NKAIN1: variants seen among roughly 807,000 people sequenced by gnomAD.
NKAIN1 encodes the protein sodium/potassium transporting ATPase interacting 1.
NKAIN1 carries 13 observed loss-of-function variants against 31.6 expected under a neutral mutation model. The observed-to-expected ratio is 0.41, with a 90% CI of 0.27 to 0.65. The LOEUF (loss-of-function observed/expected upper bound fraction) is 0.65. NKAIN1 is among the 30% of genes least tolerant of loss of function. The probability of loss-of-function intolerance (pLI) is 0.30; values close to 1 mark genes in which losing one functional copy is unlikely to be tolerated. For missense variants in NKAIN1, 193 were observed against 262.2 expected, an observed-to-expected ratio of 0.74 and a Z score of 1.82; for synonymous variants, 104 against 109.0, an observed-to-expected ratio of 0.95 and a Z score of 0.28.
chr1:31,232,424 T>TATATATAGAGAGAGAG (rs1313157898), intron 1 of NKAIN1, among the ~76,000 whole-genome samples: 4 of 16,924 alleles, frequency 2.4e-4, no homozygotes, highest in African/African-American at 3.4e-4. Flanking sequence ...TATATATATA[T>TATATATAGAGAGAGAG]AGAGAGAGAG....
In NKAIN1 at chr1:31,233,240, G is replaced by A. The variant is rs1236002712; in HGVS notation, c.54+6254C>T. Among the ~76,000 whole-genome samples the A allele has an allele frequency of 1.3e-5, 2 of 152,132 alleles. No homozygotes were observed. Among genetic ancestry groups the A allele is most frequent in the South Asian group, 2.1e-4 (1 of 4,828 alleles). On this transcript the variant is annotated intron_variant, in intron 1 of 6. Coordinates refer to ENST00000373736, the MANE Select transcript of NKAIN1 (RefSeq NM_024522.3). This position sits in a 1 kb window ranked among gnomAD's most constrained non-coding sequence, Gnocchi z 4.0. ...GCTGGGATTACAGGTGTGAGCTACC[G>A]CACCCAGCCGTGCATCACAGCTCTT...
At chr1:31,234,124 T>G (rs912550759) in intron 1 of NKAIN1, among the ~76,000 whole-genome samples, 1 of 152,224 alleles carries the variant, frequency 6.6e-6, no homozygotes, top group Non-Finnish European at 1.5e-5. Flanking sequence ...GCAGTTTGGC[T>G]TCAGTCTGTT....
chr1:31,184,621 C>T (rs115128357), intron 3 of NKAIN1, among the ~76,000 whole-genome samples: 113 of 152,164 alleles, frequency 7.4e-4, no homozygotes, highest in African/African-American at 2.7e-3. Context: ...AGCCACTTGC[C>T]CAGGGTAATA....
At chr1:31,222,939 A>C (rs909989094) in intron 1 of NKAIN1, among the ~76,000 whole-genome samples, 1 of 152,180 alleles carries the variant, frequency 6.6e-6, no homozygotes, top group African/African-American at 2.4e-5. Context: ...GAGGAAATGC[A>C]TCTGAAGTGA....
intron 1 of NKAIN1, among the ~76,000 whole-genome samples, chr1:31,228,373 C>T (rs1400420129): frequency 2.0e-5 from 3 of 152,256 alleles, no homozygotes; most frequent in East Asian, 3.9e-4. Flanking sequence ...TTCCATTTCC[C>T]CTACTGCCTG....
At chr1:31,231,554 G>T (rs560209471) in intron 1 of NKAIN1, among the ~76,000 whole-genome samples, 2 of 151,878 alleles carry the variant, frequency 1.3e-5, no homozygotes, top group Non-Finnish European at 2.9e-5. Flanking sequence ...TTTTTGAGAC[G>T]GAGTCTCGCT....
chr1:31,218,036 C>CTTTT (rs34251716), intron 1 of NKAIN1, among the ~76,000 whole-genome samples: 1 of 126,784 alleles, frequency 7.9e-6, no homozygotes, highest in African/African-American at 3.1e-5. Flanking sequence ...TTCTTTCTTT[C>CTTTT]TTTCTTTCTT....
At chr1:31,238,061 A>T (rs566614261) in intron 1 of NKAIN1, among the ~76,000 whole-genome samples, 1 of 152,224 alleles carries the variant, frequency 6.6e-6, no homozygotes, top group Admixed American at 6.5e-5. Context: ...ATCCTCAGGG[A>T]TAATCATTTT....
chr1:31,227,818 T>C (rs1214232775), intron 1 of NKAIN1, among the ~76,000 whole-genome samples: 1 of 152,148 alleles, frequency 6.6e-6, no homozygotes, highest in Non-Finnish European at 1.5e-5. Context: ...TTGAGGACTC[T>C]AGGGGTGAGA....
At chr1:31,218,394 C>T (rs1009239944) in intron 1 of NKAIN1, among the ~76,000 whole-genome samples, 1 of 152,114 alleles carries the variant, frequency 6.6e-6, no homozygotes, top group African/African-American at 2.4e-5. Flanking sequence ...TAACTAAGTG[C>T]CAGGTGCTGC....
chr1:31,222,509 T>A, intron 1 of NKAIN1, among the ~76,000 whole-genome samples: 1 of 152,190 alleles, frequency 6.6e-6, no homozygotes, highest in East Asian at 1.9e-4. Flanking sequence ...TATGGACCCA[T>A]CTGGGGGTGG....
rs1645676407 is a variant in NKAIN1 at position 31,234,000 on chromosome 1, A to T, written c.54+5494T>A. On this transcript the variant is annotated intron_variant, in intron 1 of 6. Transcript: ENST00000373736. The surrounding 1 kb of genome is among the most constrained non-coding windows in gnomAD (Gnocchi z 4.0). ...GCCATTTATGGGCTGCTTATTTAAA[A>T]ACCATCCACTCACCTACCCTTATAA... 6.6e-6 allele frequency among the ~76,000 whole-genome samples: 1 copy of T among 152,182 alleles called. No individual in the cohort carries two copies.
chr1:31,210,890 T>C (rs1177018111), intron 1 of NKAIN1, among the ~76,000 whole-genome samples: 3 of 152,338 alleles, frequency 2.0e-5, no homozygotes, highest in Non-Finnish European at 4.4e-5. Flanking sequence ...AAATATTTAT[T>C]GGATGTCAAT....
intron 1 of NKAIN1, among the ~76,000 whole-genome samples, chr1:31,223,359 G>A (rs1009278971): frequency 8.2e-6 from 1 of 122,564 alleles, no homozygotes; most frequent in African/African-American, 3.2e-5. Flanking sequence ...CTGGGAGACA[G>A]AGCAAGACTC....
chr1:31,235,422 TG>T (rs1287092567), intron 1 of NKAIN1, among the ~76,000 whole-genome samples: 3 of 152,090 alleles, frequency 2.0e-5, no homozygotes, highest in African/African-American at 7.2e-5. Context: ...GCAACAAAAC[TG>T]CCATGCCAAA....
At chr1:31,193,801 G>A (rs1645304158) in intron 1 of NKAIN1, 1 of 152,076 alleles carries the variant, frequency 6.6e-6, no homozygotes, top group African/African-American at 2.4e-5. Flanking sequence ...AAAATAAGAG[G>A]AATACCTTTC....
intron 1 of NKAIN1, among the ~76,000 whole-genome samples, chr1:31,219,368 A>G (rs943416753): frequency 1.3e-5 from 2 of 152,242 alleles, no homozygotes; most frequent in East Asian, 1.9e-4. Context: ...GGCGCTGTCT[A>G]TGGGTGGACA....
intron 1 of NKAIN1, among the ~76,000 whole-genome samples, chr1:31,206,014 A>C (rs1326030935): frequency 6.8e-6 from 1 of 146,054 alleles, no homozygotes; most frequent in Non-Finnish European, 1.5e-5. Context: ...TGGGTGGATC[A>C]CCTGAGGTCA....
rs1261380072 is a variant in NKAIN1 at position 31,183,969 on chromosome 1, A to T, written c.319T>A (p.Trp107Arg). Reference sequence around the variant, plus strand: ...CAGCCTGGCCCATTCTCCATCCACCAGGAGCGGTGCAGGGATGTGTTGAAG... The same window carrying T: ...CAGCCTGGCCCATTCTCCATCCACCTGGAGCGGTGCAGGGATGTGTTGAAG... ...MTFNTSLHRS[W>R]WMENGPGCLV... The change falls in exon 4 of 7, where the codon TGG (tryptophan) becomes AGG (arginine). Residue 107 changes from tryptophan (W) to arginine (R), a missense_variant. Trp to Arg is a moderately radical substitution (Grantham distance 101). Coordinates refer to ENST00000373736, the MANE Select transcript of NKAIN1 (RefSeq NM_024522.3). 1 of 1,614,148 alleles carries T rather than the reference A, an allele frequency of 6.2e-7. No homozygotes were observed. Among genetic ancestry groups the T allele is most frequent in the South Asian group, 1.1e-5 (1 of 91,082 alleles).
Sources: gnomAD v4.1 joint callset for allele counts (sites outside exome capture counted in the v4.1 genomes callset) on GRCh38, gnomAD v4.1.1 for gene constraint, Gnocchi (gnomAD v3.1) non-coding constraint, MANE v1.5 for transcripts, NCBI Gene and HGNC (gene_info 2026-07-23, HGNC 2026-07-21) for gene names.